Variants in RABGAP1L observed in about 807,000 individuals in gnomAD.
RABGAP1L encodes rab GTPase-activating protein 1-like.
RABGAP1L carries 63 observed loss-of-function variants against 137.7 expected under a neutral mutation model. That is an observed-to-expected ratio of 0.46 (90% CI 0.37 to 0.56). RABGAP1L has a LOEUF of 0.56. Among genes scored for constraint, RABGAP1L ranks in the 20% least tolerant of loss-of-function variants. The pLI is 0.00. For missense variants in RABGAP1L, 1,095 were observed against 1,244.0 expected (o/e 0.88, Z 1.80); for synonymous variants, 431 against 433.7 (o/e 0.99, Z 0.08).
At chr1:174,844,135 G>C (rs1478042251) in intron 19 of RABGAP1L, among the ~76,000 whole-genome samples, 1 of 149,686 alleles carries the variant, frequency 6.7e-6, no homozygotes, top group East Asian at 2.0e-4. Context: ...CCCTTTGTCA[G>C]ATGAGTAGGT....
chr1:174,916,214 T>A (rs1660861270), intron 19 of RABGAP1L, among the ~76,000 whole-genome samples: 1 of 152,170 alleles, frequency 6.6e-6, no homozygotes, highest in South Asian at 2.1e-4. Flanking sequence ...GCAACTTTGT[T>A]GAAAGTCAGA....
At position 174,645,074 on chromosome 1, in the gene RABGAP1L, CACAA is replaced by C. The variant is rs1210715534; in HGVS notation, c.1824+7592_1824+7595del. Among the ~76,000 whole-genome samples, 3 of 151,812 alleles carry C rather than the reference CACAA, an allele frequency of 2.0e-5. No homozygotes were observed. The East Asian group carries it at 5.8e-4, about 29-fold the overall frequency. On this transcript the variant is annotated intron_variant, in intron 14 of 25. Transcript: ENST00000681986. ...AAGAAGATTTTAGATGCTCTTGTTA[CACAA>C]ACAAAAAAAAGTACGTGAGATGATA... is the stretch of plus-strand genomic sequence containing the variant.
At position 174,816,147 on chromosome 1, in the gene RABGAP1L, CTT is replaced by C. The variant is rs67065448; in HGVS notation, c.2340+4208_2340+4209del. Among the ~76,000 whole-genome samples the C allele has an allele frequency of 5.5e-3, 474 of 86,166 alleles. 2 individuals carry two copies. The highest frequency in any genetic ancestry group is 0.016 in the African/African-American group (369 of 23,292). The allele number at this position is 86,166 out of a possible 152,430, so 56.5% of individuals were successfully genotyped here. On this transcript the variant is annotated intron_variant, in intron 19 of 25. Transcript: ENST00000681986. ...TTTTTCTTAGTAACATAATACATAG[CTT>C]TTTTTTTTTTTTTTTTTTTTGAGAT... is the stretch of plus-strand genomic sequence containing the variant.
chr1:174,335,855 G>C (rs575914554), intron 11 of RABGAP1L, among the ~76,000 whole-genome samples: 1 of 152,166 alleles, frequency 6.6e-6, no homozygotes, highest in Non-Finnish European at 1.5e-5. Flanking sequence ...TGTACCTGCT[G>C]TATTTTTAGC....
intron 11 of RABGAP1L, among the ~76,000 whole-genome samples, chr1:174,344,255 TAAC>T (rs975904885): frequency 2.0e-5 from 3 of 152,176 alleles, no homozygotes; most frequent in Non-Finnish European, 4.4e-5. Flanking sequence ...GTAATGATAA[TAAC>T]AACAATAGGA....
intron 5 of RABGAP1L, among the ~76,000 whole-genome samples, chr1:174,246,608 G>A (rs1046541483): frequency 1.3e-5 from 2 of 152,108 alleles, no homozygotes; most frequent in African/African-American, 2.4e-5. Flanking sequence ...CATTCACATA[G>A]CATTTATATT....
At chr1:174,953,574 A>G (rs2149331887) in intron 19 of RABGAP1L, among the ~76,000 whole-genome samples, 1 of 152,338 alleles carries the variant, frequency 6.6e-6, no homozygotes, top group South Asian at 2.1e-4. Context: ...AGTAGAGTTA[A>G]TAAAGCTTCT....
At chr1:174,755,723 T>C (rs188442170) in intron 18 of RABGAP1L, among the ~76,000 whole-genome samples, 2 of 152,330 alleles carry the variant, frequency 1.3e-5, no homozygotes, top group Non-Finnish European at 2.9e-5. Flanking sequence ...TATGTATGTA[T>C]ATTTTTAATC....
rs543536397 is a variant in RABGAP1L at position 174,504,427 on chromosome 1, C to A, written c.1710+110282C>A. The stretch of plus-strand genomic sequence containing the variant: ...GCAAACTTGAGGGAAAAAAAAAAAA[C>A]CAAACAAATAAAAACAAAGCTGGAA... On this transcript the variant is annotated intron_variant, in intron 13 of 25. Transcript: ENST00000681986. Among the ~76,000 whole-genome samples, 179 of 147,242 alleles carry A rather than the reference C, an allele frequency of 1.2e-3. 2 individuals carry two copies. In the East Asian group the frequency reaches 0.023, roughly 19 times the overall value.
chr1:174,825,446 TTC>T (rs1691468663), intron 19 of RABGAP1L, among the ~76,000 whole-genome samples: 1 of 152,232 alleles, frequency 6.6e-6, no homozygotes, highest in Non-Finnish European at 1.5e-5. Context: ...TAGCTGAAGT[TTC>T]TTACAAAATT....
chr1:174,613,030 G>C (rs929098694), intron 13 of RABGAP1L, among the ~76,000 whole-genome samples: 2 of 151,294 alleles, frequency 1.3e-5, no homozygotes, highest in Non-Finnish European at 2.9e-5. Flanking sequence ...TTAATTTTTT[G>C]AAGGGTTTTT....
At chr1:174,848,456 C>T (rs1647443237) in intron 19 of RABGAP1L, among the ~76,000 whole-genome samples, 3 of 147,532 alleles carry the variant, frequency 2.0e-5, no homozygotes, top group Admixed American at 6.7e-5. Context: ...AGACAGGACC[C>T]TCAGCTGCAG....
At chr1:174,611,562 C>T (rs1326156513) in intron 13 of RABGAP1L, among the ~76,000 whole-genome samples, 4 of 149,110 alleles carry the variant, frequency 2.7e-5, no homozygotes, top group Admixed American at 2.0e-4. Context: ...TCCATATGAA[C>T]TTTAAAGTAG....
intron 11 of RABGAP1L, among the ~76,000 whole-genome samples, chr1:174,310,068 A>G (rs1033858151): frequency 9.9e-5 from 15 of 152,022 alleles, no homozygotes; most frequent in African/African-American, 3.4e-4. Flanking sequence ...CAGATTTTCT[A>G]TTTCTTGATA....
rs60060044 is a variant in RABGAP1L at position 174,222,964 on chromosome 1, C to G, written c.331+1800C>G. Among the ~76,000 whole-genome samples the G allele has an allele frequency of 5.7e-3, 873 of 151,918 alleles. 8 individuals carry two copies. The highest frequency in any genetic ancestry group is 0.02 in the African/African-American group (830 of 41,448). On this transcript the variant is annotated intron_variant, in intron 3 of 25. Coordinates refer to ENST00000681986, the MANE Select transcript of RABGAP1L (RefSeq NM_001366446.1). ...CAGCCTGGCCAACATGGCAAAACCC[C>G]GTCTCTATTAAAAATACAAAAATGG... is the stretch of plus-strand genomic sequence containing the variant.
In RABGAP1L at chr1:174,163,925, G is replaced by A. The variant is rs1571322331; in HGVS notation, c.-34+4268G>A. ...TTCCAGTAGGTGATTCTTAGTAATG[G>A]AAGTCTCATTGAGGGATGCAAGGGA... is the stretch of plus-strand genomic sequence containing the variant. On this transcript the variant is annotated intron_variant, in intron 1 of 25. Coordinates refer to ENST00000681986, the MANE Select transcript of RABGAP1L (RefSeq NM_001366446.1). Among the ~76,000 whole-genome samples, 3 of 152,136 alleles carry A rather than the reference G, an allele frequency of 2.0e-5. No homozygotes were observed. In the East Asian group the frequency reaches 5.8e-4, roughly 29 times the overall value.
intron 13 of RABGAP1L, among the ~76,000 whole-genome samples, chr1:174,496,193 T>C (rs1239613862): frequency 6.6e-6 from 1 of 152,164 alleles, no homozygotes; most frequent in East Asian, 1.9e-4. Context: ...CTCTATGGTG[T>C]AGAAAGGACT....
intron 1 of RABGAP1L, among the ~76,000 whole-genome samples, chr1:174,178,547 G>A (rs1666081422): frequency 6.6e-6 from 1 of 152,146 alleles, no homozygotes; most frequent in South Asian, 2.1e-4. Context: ...GTTTATTGCA[G>A]CACTATTTAC....
intron 17 of RABGAP1L, among the ~76,000 whole-genome samples, chr1:174,722,817 G>A (rs1416920188): frequency 6.6e-6 from 1 of 152,128 alleles, no homozygotes. Flanking sequence ...TAGCCTGAAG[G>A]AGATGGGTTC....
Sources: gnomAD v4.1 joint callset for allele counts (sites outside exome capture counted in the v4.1 genomes callset) on GRCh38, gnomAD v4.1.1 for gene constraint, MANE v1.5 for transcripts, NCBI Gene and HGNC (gene_info 2026-07-23, HGNC 2026-07-21) for gene names.